Variants in DACH1 observed in about 807,000 individuals in gnomAD.
DACH1 encodes the protein dachshund family transcription factor 1.
Under a neutral mutation model 54.2 loss-of-function variants are expected in DACH1, and 12 were observed. The ratio of observed to expected loss-of-function variants is 0.22; its 90% CI spans 0.14 to 0.36. The LOEUF is 0.36. DACH1 is among the 10% of genes least tolerant of loss of function. DACH1 has a pLI of 1.00. For synonymous variants in DACH1, 386 were observed against 366.2 expected, an observed-to-expected ratio of 1.05 and a Z score of -0.62; for missense variants, 805 against 929.8, an observed-to-expected ratio of 0.87 and a Z score of 1.75.
chr13:71,572,947 C>T lies in DACH1; in HGVS notation c.1192G>A (p.Val398Ile). The T allele has an allele frequency of 8.7e-6, 14 of 1,614,066 alleles. No individual in the cohort carries two copies. The highest frequency in any genetic ancestry group is 1.2e-5 in the Non-Finnish European group (14 of 1,179,986). The change falls in exon 4 of 11, where the codon GTC (valine) becomes ATC (isoleucine). Residue 398 changes from valine (V) to isoleucine (I), a missense_variant. Coordinates refer to ENST00000613252, the MANE Select transcript of DACH1 (RefSeq NM_080759.6). ...LIPVSLPPAS[V>I]TMAMSQMNHL... Reference sequence around the variant, plus strand: ...TTCATCTGGCTCATTGCCATGGTGACAGATGCTGGAGGTAGGCTGACAGGA... The same window carrying T: ...TTCATCTGGCTCATTGCCATGGTGATAGATGCTGGAGGTAGGCTGACAGGA...
intron 6 of DACH1, among the ~76,000 whole-genome samples, chr13:71,538,452 C>A (rs1197439767): frequency 6.6e-6 from 1 of 151,376 alleles, no homozygotes; most frequent in Non-Finnish European, 1.5e-5. Flanking sequence ...CAAAAGAAAC[C>A]TTGGAAGGTC....
intron 1 of DACH1, among the ~76,000 whole-genome samples, chr13:71,810,708 A>T (rs1486807202): frequency 6.6e-6 from 1 of 152,190 alleles, no homozygotes; most frequent in African/African-American, 2.4e-5. Context: ...ATATAGCTTC[A>T]ACTTCATTAT....
At chr13:71,602,947 A>G (rs895060736) in intron 3 of DACH1, among the ~76,000 whole-genome samples, 2 of 152,014 alleles carry the variant, frequency 1.3e-5, no homozygotes, top group African/African-American at 2.4e-5. Flanking sequence ...TGTGATGCCA[A>G]CATAAGCTAC....
At chr13:71,548,400 T>C (rs1230715802) in intron 6 of DACH1, among the ~76,000 whole-genome samples, 2 of 152,190 alleles carry the variant, frequency 1.3e-5, no homozygotes, top group Non-Finnish European at 2.9e-5. Context: ...ATTTGAATTT[T>C]GTTATTCTTT....
chr13:71,460,229 C>T (rs1875951945), intron 10 of DACH1, among the ~76,000 whole-genome samples: 1 of 152,026 alleles, frequency 6.6e-6, no homozygotes, highest in African/African-American at 2.4e-5. Flanking sequence ...TCTAGTTATA[C>T]TGAAAAAACT....
chr13:71,564,309 A>G (rs966065077), intron 4 of DACH1, among the ~76,000 whole-genome samples: 1 of 152,094 alleles, frequency 6.6e-6, no homozygotes, highest in African/African-American at 2.4e-5. Context: ...TAAGGGGCTG[A>G]AGCAGGACAG....
chr13:71,820,050 T>C (rs1440462306), intron 1 of DACH1, among the ~76,000 whole-genome samples: 1 of 132,018 alleles, frequency 7.6e-6, no homozygotes, highest in Non-Finnish European at 1.5e-5. Flanking sequence ...GAGAATCACT[T>C]GAGCCCAGGA....
chr13:71,517,850 C>G (rs1213461553), intron 6 of DACH1, among the ~76,000 whole-genome samples: 1 of 151,794 alleles, frequency 6.6e-6, no homozygotes, highest in African/African-American at 2.4e-5. Context: ...CTTTATTTTC[C>G]TATACCAAAT....
chr13:71,543,137 TG>T (rs1883242513), intron 6 of DACH1, among the ~76,000 whole-genome samples: 1 of 152,126 alleles, frequency 6.6e-6, no homozygotes, highest in Admixed American at 6.6e-5. Context: ...ACAAGGTCTG[TG>T]TTTATGGTAT....
rs1164737021 is a variant in DACH1, at chr13:71,529,520, C to T, written c.1570+27504G>A. Among the ~76,000 whole-genome samples the T allele has an allele frequency of 3.3e-5, 5 of 152,084 alleles. No homozygotes were observed. In the South Asian group the frequency reaches 8.3e-4, roughly 25 times the overall value. ...TTTATTGGTCTATATTTATACAAAT[C>T]GTAGATGTGGCAACTGCAATGTGGA... On this transcript the variant is annotated intron_variant, in intron 6 of 10. Transcript: ENST00000613252.
intron 3 of DACH1, among the ~76,000 whole-genome samples, chr13:71,590,966 C>A (rs1873671546): frequency 6.8e-6 from 1 of 146,448 alleles, no homozygotes; most frequent in African/African-American, 2.5e-5. Context: ...GCAGCCTCTG[C>A]CTCCCAGGTT....
chr13:71,766,476 C>G (rs1885633230), intron 1 of DACH1, among the ~76,000 whole-genome samples: 1 of 152,032 alleles, frequency 6.6e-6, no homozygotes, highest in Non-Finnish European at 1.5e-5. Context: ...ATAGTTGTAC[C>G]AAACATAATG....
intron 2 of DACH1, among the ~76,000 whole-genome samples, chr13:71,673,860 T>C (rs1414246382): frequency 6.6e-6 from 1 of 152,212 alleles, no homozygotes; most frequent in African/African-American, 2.4e-5. Context: ...CAATTGATGA[T>C]TATGCTTAAA....
intron 6 of DACH1, among the ~76,000 whole-genome samples, chr13:71,512,109 AC>A (rs141999010): frequency 4.8e-4 from 73 of 152,072 alleles, no homozygotes; most frequent in Non-Finnish European, 8.1e-4. Flanking sequence ...TGGAAATTCA[AC>A]CCAGAACCCA....
intron 1 of DACH1, among the ~76,000 whole-genome samples, chr13:71,742,054 T>C (rs1830770812): frequency 6.6e-6 from 1 of 152,198 alleles, no homozygotes. Context: ...TTTCCCCTGC[T>C]ATTCTTAATG....
At chr13:71,802,304 T>C (rs746697470) in intron 1 of DACH1, among the ~76,000 whole-genome samples, 5 of 152,214 alleles carry the variant, frequency 3.3e-5, no homozygotes, top group South Asian at 4.1e-4. Context: ...CTTTGAGAAA[T>C]AGGGCTATCA....
intron 3 of DACH1, among the ~76,000 whole-genome samples, chr13:71,588,326 G>A (rs1349137939): frequency 6.6e-6 from 1 of 151,988 alleles, no homozygotes; most frequent in Admixed American, 6.6e-5. Flanking sequence ...AAAAGTCCAG[G>A]AATTCTGTTC....
intron 1 of DACH1, among the ~76,000 whole-genome samples, chr13:71,690,356 T>C (rs1227420278): frequency 6.6e-6 from 1 of 152,224 alleles, no homozygotes; most frequent in Non-Finnish European, 1.5e-5. Flanking sequence ...GGCATGTTTG[T>C]CTAGAAAGCT....
intron 1 of DACH1, among the ~76,000 whole-genome samples, chr13:71,834,593 C>A (rs1002913114): frequency 1.3e-5 from 2 of 151,974 alleles, no homozygotes; most frequent in African/African-American, 4.8e-5. Flanking sequence ...ATTCCACACG[C>A]TTTTTAACGG....
Sources: gnomAD v4.1 joint callset for allele counts (sites outside exome capture counted in the v4.1 genomes callset) on GRCh38, gnomAD v4.1.1 for gene constraint, MANE v1.5 for transcripts, NCBI Gene and HGNC (gene_info 2026-07-23, HGNC 2026-07-21) for gene names.